CDH8: variants seen among roughly 807,000 people sequenced by gnomAD.
CDH8 encodes cadherin-8.
Under a neutral mutation model 68.1 loss-of-function variants are expected in CDH8, and 17 were observed. The ratio of observed to expected loss-of-function variants is 0.25; its 90% CI spans 0.17 to 0.37. The LOEUF (loss-of-function observed/expected upper bound fraction) is 0.37, where lower values mean the gene tolerates loss of function less well. Ranked by LOEUF, CDH8 falls within the 10% of genes least tolerant of loss-of-function variation. The pLI is 1.00. For synonymous variants in CDH8, 372 were observed against 365.1 expected, an observed-to-expected ratio of 1.02 and a Z score of -0.21; for missense variants, 763 against 999.3, an observed-to-expected ratio of 0.76 and a Z score of 3.19.
intron 4 of CDH8, among the ~76,000 whole-genome samples, chr16:61,831,925 T>C (rs1962462556): frequency 6.6e-6 from 1 of 151,826 alleles, no homozygotes; most frequent in Non-Finnish European, 1.5e-5. Context: ...CAATTCAGTG[T>C]ACAATTATCA....
At chr16:61,920,956 G>A (rs1446413039) in intron 2 of CDH8, among the ~76,000 whole-genome samples, 2 of 147,310 alleles carry the variant, frequency 1.4e-5, no homozygotes, top group African/African-American at 2.5e-5. Flanking sequence ...CCTTTGTAGG[G>A]ACATGGATGA....
chr16:61,685,807 T>C (rs1367199282), intron 10 of CDH8, among the ~76,000 whole-genome samples: 1 of 151,920 alleles, frequency 6.6e-6, no homozygotes, highest in Non-Finnish European at 1.5e-5. Flanking sequence ...CATACTTTTC[T>C]TAGAAGATGA....
At chr16:61,672,360 C>T (rs1596852313) in intron 10 of CDH8, among the ~76,000 whole-genome samples, 2 of 152,016 alleles carry the variant, frequency 1.3e-5, no homozygotes, top group African/African-American at 4.8e-5. Context: ...GTAGACAGTG[C>T]CCAGGCTCTG....
At chr16:61,970,324 A>T (rs1410414285) in intron 2 of CDH8, among the ~76,000 whole-genome samples, 1 of 152,204 alleles carries the variant, frequency 6.6e-6, no homozygotes, top group Non-Finnish European at 1.5e-5. Context: ...AACTCAAGGG[A>T]AAAATAAGAG....
At chr16:61,857,053 T>A in intron 4 of CDH8, 66 bp downstream of exon 4, 1 of 1,583,606 alleles carries the variant, frequency 6.3e-7, no homozygotes, top group Non-Finnish European at 8.7e-7. Context: ...ATAACCCAAA[T>A]CCCAAGAAAA....
In CDH8 at chr16:61,966,261, C is replaced by T. The variant is rs533618313; in HGVS notation, c.252+54891G>A. ...TATCAATAAAAAATAGAATGTGGGC[C>T]GGGCGCCGTGGCTCACGTCTGTAAT... On this transcript the variant is annotated intron_variant, in intron 2 of 11. Transcript: ENST00000577390. Among the ~76,000 whole-genome samples the T allele has an allele frequency of 6.6e-5, 10 of 152,132 alleles. No homozygotes were observed. In the South Asian group the frequency reaches 1.7e-3, roughly 25 times the overall value.
intron 1 of CDH8, among the ~76,000 whole-genome samples, chr16:62,032,502 C>A (rs6498821): frequency 6.6e-6 from 1 of 152,100 alleles, no homozygotes; most frequent in Non-Finnish European, 1.5e-5. Flanking sequence ...ATGCCAATAG[C>A]GCTGAAAACA....
At chr16:61,854,158 ACTG>A (rs1247172379) in intron 4 of CDH8, among the ~76,000 whole-genome samples, 1 of 147,616 alleles carries the variant, frequency 6.8e-6, no homozygotes, top group African/African-American at 2.6e-5. Flanking sequence ...ACACACACAC[ACTG>A]CAGAAGACAC....
chr16:61,763,200 G>A (rs1049379037), intron 8 of CDH8, among the ~76,000 whole-genome samples: 2 of 152,084 alleles, frequency 1.3e-5, no homozygotes, highest in Non-Finnish European at 1.5e-5. Flanking sequence ...GGCTTTCTTT[G>A]TCTATTCGGC....
Position 61,653,037 on chromosome 16 carries a change from A to C in CDH8, c.*571T>G, listed in dbSNP as rs1963359590. 7.2e-7 allele frequency: 1 copy of C among 1,398,024 alleles called. No homozygotes were observed. Among genetic ancestry groups the C allele is most frequent in the Non-Finnish European group, 9.3e-7 (1 of 1,077,442 alleles). The allele number at this position is 1,398,024 out of a possible 1,614,324, so 86.6% of individuals were successfully genotyped here. On this transcript the variant is annotated 3_prime_UTR_variant, in exon 12 of 12. Transcript: ENST00000577390. ...TAAAGATGCTATTCAGTCTCTAGTG[A>C]GTGGGGCCAACAATTATGTACAATG...
chr16:62,022,044 T>C (rs1262686959), intron 1 of CDH8, among the ~76,000 whole-genome samples: 1 of 152,142 alleles, frequency 6.6e-6, no homozygotes, highest in East Asian at 1.9e-4. Flanking sequence ...CTTTCTTTGT[T>C]TTTCTTTCTT....
chr16:61,694,665 T>C (rs1359546755), intron 10 of CDH8, among the ~76,000 whole-genome samples: 1 of 152,152 alleles, frequency 6.6e-6, no homozygotes, highest in East Asian at 1.9e-4. Context: ...TCTGGTTCTG[T>C]TTCAATCACA....
At chr16:61,990,203 A>G (rs986463951) in intron 2 of CDH8, among the ~76,000 whole-genome samples, 4 of 151,746 alleles carry the variant, frequency 2.6e-5, no homozygotes, top group African/African-American at 9.7e-5. Flanking sequence ...GTTATTACCT[A>G]TTATAACAGA....
At position 62,017,460 on chromosome 16, in the gene CDH8, T is replaced by G. The variant is rs372498920; in HGVS notation, c.252+3692A>C. On this transcript the variant is annotated intron_variant, in intron 2 of 11. Transcript: ENST00000577390. ...TTTTGAGAAGCCAAGGCCAGAGGAC[T>G]GCTTAAGCTCAGGAGTTTAAGATCA... Among the ~76,000 whole-genome samples, 10 of 152,280 alleles carry G rather than the reference T, an allele frequency of 6.6e-5. No homozygotes were observed. The South Asian group carries it at 1.0e-3, about 16-fold the overall frequency.
At chr16:61,745,511 A>C (rs951099746) in intron 8 of CDH8, among the ~76,000 whole-genome samples, 8 of 151,562 alleles carry the variant, frequency 5.3e-5, no homozygotes, top group Non-Finnish European at 1.2e-4. Flanking sequence ...CTTTACATAT[A>C]ATCTACATCT....
intron 4 of CDH8, among the ~76,000 whole-genome samples, chr16:61,827,492 T>A (rs1467135352): frequency 6.6e-6 from 1 of 151,950 alleles, no homozygotes; most frequent in Non-Finnish European, 1.5e-5. Context: ...ATTCTCATCA[T>A]TTCTTTTATA....
chr16:61,752,649 T>C (rs1960198934), intron 8 of CDH8, among the ~76,000 whole-genome samples: 1 of 152,224 alleles, frequency 6.6e-6, no homozygotes, highest in Admixed American at 6.5e-5. Flanking sequence ...TCCTGAATAG[T>C]ATTTTGTCTA....
At chr16:61,951,052 T>C (rs927932897) in intron 2 of CDH8, among the ~76,000 whole-genome samples, 1 of 151,600 alleles carries the variant, frequency 6.6e-6, no homozygotes, top group Non-Finnish European at 1.5e-5. Flanking sequence ...AAATAAAAGT[T>C]AAAAAAAACC....
chr16:61,694,753 C>T (rs1158739168), intron 10 of CDH8, among the ~76,000 whole-genome samples: 1 of 151,866 alleles, frequency 6.6e-6, no homozygotes, highest in Admixed American at 6.6e-5. Context: ...ATCTCTATTA[C>T]CTTTGTTGTT....
Sources: allele counts gnomAD v4.1 joint callset (sites outside exome capture counted in the v4.1 genomes callset), GRCh38; gene constraint gnomAD v4.1.1; transcripts MANE v1.5; gene names NCBI Gene and HGNC (gene_info 2026-07-23, HGNC 2026-07-21).